EPHA6: variants seen among roughly 807,000 people sequenced by gnomAD.
EPHA6 encodes the protein EPH receptor A6, also known as ephrin type-A receptor 6.
Under a neutral mutation model 112.0 loss-of-function variants are expected in EPHA6, and 50 were observed. The ratio of observed to expected loss-of-function variants is 0.45; its 90% CI spans 0.36 to 0.56. EPHA6 has a LOEUF of 0.56. Among genes scored for constraint, EPHA6 ranks in the 20% least tolerant of loss-of-function variants. EPHA6 has a pLI of 0.00. For missense variants in EPHA6, 1,280 were observed against 1,417.4 expected (o/e 0.90, Z 1.56); for synonymous variants, 529 against 490.7 (o/e 1.08, Z -1.03).
At chr3:97,111,513 C>T (rs963793646) in intron 3 of EPHA6, among the ~76,000 whole-genome samples, 1 of 151,986 alleles carries the variant, frequency 6.6e-6, no homozygotes, top group Non-Finnish European at 1.5e-5. Context: ...GAAGGAAAAA[C>T]AGCTTCTGGG....
intron 11 of EPHA6, among the ~76,000 whole-genome samples, chr3:97,592,339 A>C (rs1293926975): frequency 6.6e-6 from 1 of 152,232 alleles, no homozygotes; most frequent in African/African-American, 2.4e-5. Flanking sequence ...TTCCATGCAC[A>C]GCTTTATGTT....
chr3:97,070,329 C>T (rs181977203), intron 3 of EPHA6, among the ~76,000 whole-genome samples: 60 of 152,148 alleles, frequency 3.9e-4, no homozygotes, highest in East Asian at 7.7e-4. Flanking sequence ...AATAAAATAA[C>T]ATATGTATTC....
intron 3 of EPHA6, among the ~76,000 whole-genome samples, chr3:97,062,710 T>G (rs760974434): frequency 7.9e-5 from 12 of 152,194 alleles, no homozygotes; most frequent in Non-Finnish European, 1.3e-4. Flanking sequence ...GAAACCCCTC[T>G]TGCTTGGTTC....
intron 5 of EPHA6, among the ~76,000 whole-genome samples, chr3:97,285,486 G>A (rs763987643): frequency 6.6e-6 from 1 of 151,960 alleles, no homozygotes; most frequent in South Asian, 2.1e-4. Flanking sequence ...TAGTCTTTCT[G>A]TTCCTGGTTT....
intron 10 of EPHA6, among the ~76,000 whole-genome samples, chr3:97,499,747 C>T (rs1463990377): frequency 6.6e-6 from 1 of 152,058 alleles, no homozygotes; most frequent in Non-Finnish European, 1.5e-5. Flanking sequence ...TATAAAAGTG[C>T]CCTACCTGTG....
chr3:97,634,655 A>G (rs1348259337), intron 13 of EPHA6, among the ~76,000 whole-genome samples: 1 of 152,090 alleles, frequency 6.6e-6, no homozygotes, highest in African/African-American at 2.4e-5. Flanking sequence ...ACCCAAGGCC[A>G]TGACCCCTTT....
chr3:97,636,062 C>G (rs574140215), intron 13 of EPHA6, among the ~76,000 whole-genome samples: 1 of 151,992 alleles, frequency 6.6e-6, no homozygotes, highest in Non-Finnish European at 1.5e-5. Context: ...GTGCTGTCTG[C>G]TTTATATGTG....
rs558632006 is a variant in EPHA6 at position 97,630,315 on chromosome 3, T to C, written c.2575-7558T>C. On this transcript the variant is annotated intron_variant, in intron 13 of 17. Coordinates refer to ENST00000389672, the MANE Select transcript of EPHA6 (RefSeq NM_001080448.3). ...GTTAAATTATAATAAGATTTTCAACTGGGAAGACCACAAGAACTCAGACAA... is the reference window on the plus strand; with the variant it reads ...GTTAAATTATAATAAGATTTTCAACCGGGAAGACCACAAGAACTCAGACAA... Among the ~76,000 whole-genome samples the C allele has an allele frequency of 2.6e-5, 4 of 152,114 alleles. No homozygotes were observed. The East Asian group carries it at 7.7e-4, about 29-fold the overall frequency.
intron 5 of EPHA6, among the ~76,000 whole-genome samples, chr3:97,308,463 T>G (rs2081415503): frequency 6.6e-6 from 1 of 151,778 alleles, no homozygotes; most frequent in African/African-American, 2.4e-5. Context: ...TACTACTGAG[T>G]AAATTTGTAG....
intron 3 of EPHA6, among the ~76,000 whole-genome samples, chr3:97,092,992 G>T (rs1034898806): frequency 1.3e-5 from 2 of 152,076 alleles, no homozygotes; most frequent in African/African-American, 4.8e-5. Flanking sequence ...AATCCACTTG[G>T]TGGGTAGAAT....
In EPHA6 at chr3:96,860,786, G is replaced by A. The variant is rs531306887; in HGVS notation, c.386-6039G>A. On this transcript the variant is annotated intron_variant, in intron 1 of 17. Coordinates refer to ENST00000389672, the MANE Select transcript of EPHA6 (RefSeq NM_001080448.3). ...AGTCTTTTCTACCTATTTAATCCCT[G>A]AGTAATTGAGACAAATGTAAATAAT... Among the ~76,000 whole-genome samples the A allele has an allele frequency of 2.3e-4, 35 of 152,148 alleles. No individual in the cohort carries two copies. In the South Asian group the frequency reaches 4.1e-3, roughly 18 times the overall value.
chr3:96,915,787 G>A (rs149846413), intron 2 of EPHA6, among the ~76,000 whole-genome samples: 106 of 152,126 alleles, frequency 7.0e-4, no homozygotes, highest in African/African-American at 2.5e-3. Context: ...TCCAGGCATT[G>A]TTCTTAGCAC....
At chr3:97,707,199 C>T (rs530448069) in intron 14 of EPHA6, among the ~76,000 whole-genome samples, 1 of 152,276 alleles carries the variant, frequency 6.6e-6, no homozygotes, top group South Asian at 2.1e-4. Flanking sequence ...TTTTACACCA[C>T]TTTCCTAATT....
chr3:97,512,902 A>C (rs1375506860), intron 10 of EPHA6, among the ~76,000 whole-genome samples: 1 of 152,092 alleles, frequency 6.6e-6, no homozygotes, highest in African/African-American at 2.4e-5. Flanking sequence ...TAAATTCCAA[A>C]ATGTCTTTTT....
At chr3:97,553,195 T>A (rs2093052713) in intron 11 of EPHA6, among the ~76,000 whole-genome samples, 1 of 152,024 alleles carries the variant, frequency 6.6e-6, no homozygotes, top group Non-Finnish European at 1.5e-5. Flanking sequence ...CTGCTTACCT[T>A]TCAGATGTGA....
chr3:96,920,008 A>G (rs981744296), intron 2 of EPHA6, among the ~76,000 whole-genome samples: 2 of 151,948 alleles, frequency 1.3e-5, no homozygotes, highest in Non-Finnish European at 2.9e-5. Context: ...ACAACAGGCA[A>G]GTAAATGACT....
At chr3:97,734,661 C>A (rs796229499) in intron 15 of EPHA6, among the ~76,000 whole-genome samples, 5 of 152,026 alleles carry the variant, frequency 3.3e-5, no homozygotes, top group African/African-American at 1.2e-4. Flanking sequence ...TTAGTCATGT[C>A]CAATAGTGTA....
chr3:97,149,668 A>G (rs1576576038), intron 3 of EPHA6, among the ~76,000 whole-genome samples: 1 of 151,958 alleles, frequency 6.6e-6, no homozygotes, highest in Non-Finnish European at 1.5e-5. Context: ...ACTTTAAAAC[A>G]TGAATTCTAT....
intron 5 of EPHA6, among the ~76,000 whole-genome samples, chr3:97,375,729 G>A (rs1322413074): frequency 1.3e-5 from 2 of 151,974 alleles, no homozygotes; most frequent in Non-Finnish European, 2.9e-5. Flanking sequence ...TATTAATAAT[G>A]GAATACTACT....
Sources: gnomAD v4.1 joint callset for allele counts (sites outside exome capture counted in the v4.1 genomes callset) on GRCh38, gnomAD v4.1.1 for gene constraint, MANE v1.5 for transcripts, NCBI Gene and HGNC (gene_info 2026-07-23, HGNC 2026-07-21) for gene names.